The following TMC2 variants were observed in gnomAD, a reference collection of about 807,000 sequenced individuals.
The protein encoded by TMC2 is transmembrane channel like 2.
A neutral mutation model predicts 105.9 loss-of-function variants in TMC2; 102 were observed. The observed-to-expected ratio is 0.96, with a 90% CI of 0.82 to 1.14. The LOEUF (loss-of-function observed/expected upper bound fraction) is 1.14. TMC2 is among the 50% of genes most tolerant of loss of function. TMC2 has a pLI of 0.00. For synonymous variants in TMC2, 402 were observed against 422.8 expected (o/e 0.95, Z 0.60); for missense variants, 1,093 against 1,134.3 (o/e 0.96, Z 0.52).
intron 10 of TMC2, among the ~76,000 whole-genome samples, chr20:2,597,511 G>A (rs1398868022): frequency 1.3e-5 from 2 of 152,122 alleles, no homozygotes; most frequent in Non-Finnish European, 2.9e-5. Flanking sequence ...TTTTGAGACA[G>A]CATCTCTCTC....
In TMC2 at chr20:2,539,972, ATTCTTTTCTT is replaced by A. The variant is rs1242838485; in HGVS notation, c.82+2669_82+2678del. 2.1e-5 allele frequency among the ~76,000 whole-genome samples: 3 copies of A among 142,022 alleles called. No homozygotes were observed. In the Admixed American group the frequency reaches 2.2e-4, roughly 10 times the overall value. 93.2% of individuals were successfully genotyped at this position (142,022 alleles called of 152,430 possible). Reference sequence around the variant, plus strand: ...ACTCCCGCAAATAGCACACAAGACTATTCTTTTCTTTTCTTTTCTTTTTTTTTTTTTTTTT... The same window carrying A: ...ACTCCCGCAAATAGCACACAAGACTATTCTTTTCTTTTTTTTTTTTTTTTT... On this transcript the variant is annotated intron_variant, in intron 2 of 19. Coordinates refer to ENST00000358864, the MANE Select transcript of TMC2 (RefSeq NM_080751.3).
intron 4 of TMC2, among the ~76,000 whole-genome samples, chr20:2,563,350 T>C (rs1216670954): frequency 6.6e-6 from 1 of 152,180 alleles, no homozygotes; most frequent in Non-Finnish European, 1.5e-5. Context: ...AAACACCTCC[T>C]CGTAGTGCCT....
Position 2,594,890 on chromosome 20 carries a change from G to C in TMC2, c.999G>C (p.Leu333=), listed in dbSNP as rs1302324855. The change falls in exon 9 of 20, where the codon CTG becomes CTC. Residue 333 remains leucine, a synonymous_variant. Transcript: ENST00000358864. Reference sequence around the variant, plus strand: ...ACAACCAGAGGACCATCGGGTGGCTGAGGTACCGGCTGCCTATGGCTTACT... The same window carrying C: ...ACAACCAGAGGACCATCGGGTGGCTCAGGTACCGGCTGCCTATGGCTTACT... The part of the protein sequence containing the change: ...YYNNQRTIGW[L]RYRLPMAYFM... 2 of 1,614,068 alleles carry C rather than the reference G, an allele frequency of 1.2e-6. No homozygotes were observed. The highest frequency in any genetic ancestry group is 2.7e-5 in the African/African-American group (2 of 74,918).
rs1268052407 is a variant in TMC2 at position 2,564,637 on chromosome 20, A to G, written c.554+2627A>G. On this transcript the variant is annotated intron_variant, in intron 4 of 19. Coordinates refer to ENST00000358864, the MANE Select transcript of TMC2 (RefSeq NM_080751.3). ...TGATGCCTATGGAAATGAGATCTCCAGCTGGCTGGAAGTCTCAGGGACCGT... is the reference window on the plus strand; with the variant it reads ...TGATGCCTATGGAAATGAGATCTCCGGCTGGCTGGAAGTCTCAGGGACCGT... Among the ~76,000 whole-genome samples the G allele has an allele frequency of 2.0e-5, 3 of 152,212 alleles. No homozygotes were observed. The East Asian group carries it at 5.8e-4, about 29-fold the overall frequency.
At chr20:2,638,272 C>T (rs532265065) in intron 19 of TMC2, among the ~76,000 whole-genome samples, 20 of 150,402 alleles carry the variant, frequency 1.3e-4, no homozygotes, top group South Asian at 4.2e-4. Context: ...ACCCGGGAGG[C>T]GGAGCTTGCA....
intron 7 of TMC2, among the ~76,000 whole-genome samples, chr20:2,580,797 T>A (rs1043100229): frequency 6.6e-6 from 1 of 152,150 alleles, no homozygotes; most frequent in African/African-American, 2.4e-5. Flanking sequence ...CTACAGATGA[T>A]TAATTGAGAA....
At chr20:2,621,983 G>A (rs185836500) in intron 16 of TMC2, among the ~76,000 whole-genome samples, 4 of 152,238 alleles carry the variant, frequency 2.6e-5, no homozygotes, top group African/African-American at 7.2e-5. Flanking sequence ...AGCCTAACAC[G>A]TAAACTTAAC....
chr20:2,600,560 C>G (rs1370940977), intron 10 of TMC2, among the ~76,000 whole-genome samples: 1 of 152,004 alleles, frequency 6.6e-6, no homozygotes, highest in Non-Finnish European at 1.5e-5. Flanking sequence ...TGGTGGCTCA[C>G]GCCTGTAATC....
chr20:2,619,270 G>A (rs2086507678), intron 16 of TMC2, among the ~76,000 whole-genome samples: 2 of 152,054 alleles, frequency 1.3e-5, no homozygotes, highest in African/African-American at 2.4e-5. Flanking sequence ...CCAGGCCCAG[G>A]GCTTCTATCT....
intron 2 of TMC2, among the ~76,000 whole-genome samples, chr20:2,547,945 T>C (rs2085934534): frequency 6.6e-6 from 1 of 152,262 alleles, no homozygotes; most frequent in African/African-American, 2.4e-5. Flanking sequence ...CTAGGCATTT[T>C]ACTTTAGGAC....
chr20:2,631,670 TTC>T (rs1438677364), intron 17 of TMC2, among the ~76,000 whole-genome samples: 1 of 151,320 alleles, frequency 6.6e-6, no homozygotes, highest in African/African-American at 2.4e-5. Context: ...GATTATTTGT[TTC>T]TCTCTTTCTG....
At chr20:2,551,619 T>G (rs1156761799) in intron 2 of TMC2, among the ~76,000 whole-genome samples, 1 of 152,226 alleles carries the variant, frequency 6.6e-6, no homozygotes, top group Non-Finnish European at 1.5e-5. Flanking sequence ...TTTTACAGTT[T>G]TATAGCTTTG....
At chr20:2,600,590 A>T (rs2086343008) in intron 10 of TMC2, among the ~76,000 whole-genome samples, 1 of 152,150 alleles carries the variant, frequency 6.6e-6, no homozygotes, top group South Asian at 2.1e-4. Flanking sequence ...TGGGACGCTG[A>T]GGCGGGCAGA....
intron 4 of TMC2, among the ~76,000 whole-genome samples, chr20:2,569,183 A>G (rs1459920058): frequency 6.6e-6 from 1 of 152,186 alleles, no homozygotes; most frequent in Non-Finnish European, 1.5e-5. Context: ...ACCATGGCCA[A>G]CTCAAAGCTA....
intron 19 of TMC2, 67 bp from the exon 20 acceptor site, chr20:2,641,067 A>G: frequency 7.0e-7 from 1 of 1,422,048 alleles, no homozygotes; most frequent in Non-Finnish European, 9.9e-7. Context: ...GGGCGACTCC[A>G]GAGAGCTCCA....
At chr20:2,542,962 C>T (rs566664981) in intron 2 of TMC2, among the ~76,000 whole-genome samples, 3 of 152,012 alleles carry the variant, frequency 2.0e-5, no homozygotes, top group East Asian at 1.9e-4. Context: ...CAAGGCCAGG[C>T]ATGGTGGCAC....
At chr20:2,562,830 C>T (rs924887475) in intron 4 of TMC2, among the ~76,000 whole-genome samples, 1 of 151,838 alleles carries the variant, frequency 6.6e-6, no homozygotes, top group African/African-American at 2.4e-5. Context: ...CCTGTAGTCC[C>T]AGTTACTCGG....
chr20:2,547,832 C>A (rs540005836), intron 2 of TMC2, among the ~76,000 whole-genome samples: 1 of 152,320 alleles, frequency 6.6e-6, no homozygotes, highest in African/African-American at 2.4e-5. Context: ...AAGTGAAGAA[C>A]CTTTATTATC....
chr20:2,553,689 A>G (rs2085970037), intron 2 of TMC2, among the ~76,000 whole-genome samples: 1 of 152,194 alleles, frequency 6.6e-6, no homozygotes, highest in Admixed American at 6.5e-5. Context: ...GAAATCATCC[A>G]GGCCTGGTGT....
Sources: allele counts gnomAD v4.1 joint callset (sites outside exome capture counted in the v4.1 genomes callset), GRCh38; gene constraint gnomAD v4.1.1; transcripts MANE v1.5; gene names NCBI Gene and HGNC (gene_info 2026-07-23, HGNC 2026-07-21).